Variants in FASN observed in about 807,000 individuals in gnomAD.
FASN encodes the protein 3-hydroxyacyl-[acyl-carrier-protein] dehydratase.
In FASN, 50 loss-of-function variants were observed where a neutral mutation model predicts 250.0. The observed-to-expected ratio is 0.20, with a 90% CI of 0.16 to 0.25. FASN has a LOEUF of 0.25. FASN is among the 10% of genes least tolerant of loss of function. FASN has a pLI of 1.00. For synonymous variants in FASN, 1,909 were observed against 1,584.0 expected (o/e 1.21, Z -4.87); for missense variants, 3,031 against 3,498.5 (o/e 0.87, Z 3.37).
At position 82,083,129 on chromosome 17, in the gene FASN, G is replaced by A; in HGVS notation, c.5566-14C>T. ...CTCCGCAAGCACCTGCGTCCAAGCA[G>A]CACCCACCGGCTCAGGCACTGCCTG... On this transcript the variant is annotated splice_polypyrimidine_tract_variant and intron_variant, in intron 32 of 42. Transcript: ENST00000306749. The A allele has an allele frequency of 6.2e-7, 1 of 1,610,108 alleles. No individual in the cohort carries two copies. The highest frequency in any genetic ancestry group is 8.5e-7 in the Non-Finnish European group (1 of 1,179,942).
chr17:82,088,691 C>A, intron 15 of FASN, 70 bp downstream of exon 15: 1 of 1,517,908 alleles, frequency 6.6e-7, no homozygotes, highest in Admixed American at 1.8e-5. Context: ...GAGGGGCCCG[C>A]AGCCCCGCTC....
chr17:82,081,333 A>G lies in FASN; in HGVS notation c.6426T>C (p.Ala2142=), dbSNP rs1207846739. 5.8e-6 allele frequency: 9 copies of G among 1,558,776 alleles called. No individual in the cohort carries two copies. Among genetic ancestry groups the G allele is most frequent in the East Asian group, 2.4e-5 (1 of 41,988 alleles). Reference sequence around the variant, plus strand: ...CCGCCAGTGAGCTGTCCAGGTTGACAGCAGCCAAGTCGCGGATGCCTGGAA... The same window carrying G: ...CCGCCAGTGAGCTGTCCAGGTTGACGGCAGCCAAGTCGCGGATGCCTGGAA... ...AHILGIRDLA[A]VNLDSSLADL... Residue 2142 remains alanine (A), a synonymous_variant, in exon 38 of 43, where the codon GCT becomes GCC. Transcript: ENST00000306749.
rs747635748 is a variant in FASN at position 82,082,958 on chromosome 17, C to T, written c.5723G>A (p.Gly1908Glu). Residue 1908 changes from glycine to glutamate, a missense_variant, in exon 33 of 43, where the codon GGG becomes GAG. Physicochemically the swap from Gly to Glu is moderately conservative, Grantham distance 98 (BLOSUM62 -2). Transcript: ENST00000306749. ...AGAAGTCAACACGAGCTTCTGCACCCCACGCTGTATCAGCCACTGCGCCAA... is the reference window on the plus strand; with the variant it reads ...AGAAGTCAACACGAGCTTCTGCACCTCACGCTGTATCAGCCACTGCGCCAA... Reference protein sequence around the residue: ...LELAQWLIQRGVQKLVLTSRS... With the variant: ...LELAQWLIQREVQKLVLTSRS... The T allele has an allele frequency of 1.3e-5, 21 of 1,612,738 alleles. No individual in the cohort carries two copies. The South Asian group carries it at 2.1e-4, about 16-fold the overall frequency.
chr17:82,083,678 A>G, intron 30 of FASN, 39 bp from the exon 31 acceptor site: 2 of 1,603,836 alleles, frequency 1.2e-6, no homozygotes, highest in Non-Finnish European at 1.7e-6. Context: ...CACCCACTGC[A>G]AGCCCAGCCA....
At position 82,083,655 on chromosome 17, in the gene FASN, G is replaced by A. The variant is rs767868562; in HGVS notation, c.5219-16C>T. On this transcript the variant is annotated splice_polypyrimidine_tract_variant and intron_variant, in intron 30 of 42. Transcript: ENST00000306749. Reference sequence around the variant, plus strand: ...AGGTCAACGCCTAGGGGGCCAGAGGGGCCAGACAATCACACCCACTGCAAG... The same window carrying A: ...AGGTCAACGCCTAGGGGGCCAGAGGAGCCAGACAATCACACCCACTGCAAG... The A allele has an allele frequency of 8.1e-6, 13 of 1,605,030 alleles. No homozygotes were observed. Among genetic ancestry groups the A allele is most frequent in the Admixed American group, 3.4e-5 (2 of 58,746 alleles).
rs748487388 is a variant in FASN at position 82,082,578 on chromosome 17, A to C, written c.5868T>G (p.Ile1956Met). The C allele has an allele frequency of 1.2e-6, 2 of 1,609,828 alleles. No individual in the cohort carries two copies. Among genetic ancestry groups the C allele is most frequent in the South Asian group, 2.2e-5 (2 of 91,074 alleles). Reference protein sequence around the residue: ...ISSLEGARGLIAEAAQLGPVG... With the variant: ...ISSLEGARGLMAEAAQLGPVG... ...CGGGCCCAAGCTGCGCCGCCTCGGCAATGAGGCCCCGGGCCCCCTCCAGTG... is the reference window on the plus strand; with the variant it reads ...CGGGCCCAAGCTGCGCCGCCTCGGCCATGAGGCCCCGGGCCCCCTCCAGTG... The change falls in exon 34 of 43, where the codon ATT (isoleucine) becomes ATG (methionine). Residue 1956 changes from isoleucine to methionine, a missense_variant. By Grantham distance (10) the Ile-to-Met change is conservative (BLOSUM62 1). Transcript: ENST00000306749.
chr17:82,081,564 G>A (rs1177968678), intron 37 of FASN, 37 bp downstream of exon 37: 7 of 1,609,562 alleles, frequency 4.3e-6, no homozygotes, highest in Non-Finnish European at 5.9e-6. Context: ...TGCCAGCAGG[G>A]GAAACACCTG....
Position 82,085,142 on chromosome 17 carries a change from G to T in FASN, c.4302C>A (p.Asp1434Glu). The change falls in exon 25 of 43, where the codon GAC (aspartate) becomes GAA (glutamate). Residue 1434 changes from aspartate to glutamate, a missense_variant. Physicochemically the swap from Asp to Glu is conservative, Grantham distance 45. Transcript: ENST00000306749. ...WVESLKGILA[D>E]EDSSRPVWLK... The stretch of plus-strand genomic sequence containing the variant: ...GCCACACAGGCCGGGAAGAGTCTTC[G>T]TCAGCCAGGATGCCCTACAGCGGGT... 6.2e-7 allele frequency: 1 copy of T among 1,612,582 alleles called. No homozygotes were observed. Among genetic ancestry groups the T allele is most frequent in the East Asian group, 2.2e-5 (1 of 44,864 alleles).
rs1358848879 is a variant in FASN at position 82,080,718 on chromosome 17, G to A, written c.6800C>T (p.Pro2267Leu). The change falls in exon 39 of 43, where the codon CCC becomes CTC. Residue 2267 changes from proline to leucine, a missense_variant. By Grantham distance (98) the Pro-to-Leu change is moderately conservative. Transcript: ENST00000306749. The stretch of plus-strand genomic sequence containing the variant: ...TCGGGTGCACTGCAGGCCATAGGTG[G>A]GGATGCTGAGCCGGGAGGCCAGGCT... ...FHSLASRLSI[P>L]TYGLQCTRAA... The A allele has an allele frequency of 3.8e-6, 6 of 1,599,014 alleles. No homozygotes were observed. The highest frequency in any genetic ancestry group is 1.7e-5 in the Admixed American group (1 of 57,344).
chr17:82,096,409 G>A lies in FASN; in HGVS notation c.37C>T (p.Leu13=), dbSNP rs752629951. The change falls in exon 2 of 43, where the codon CTG becomes TTG. Residue 13 remains leucine, a synonymous_variant. Coordinates refer to ENST00000306749, the MANE Select transcript of FASN (RefSeq NM_004104.5). ...EVVIAGMSGK[L]PESENLQEFW... ...TCCTGCAAGTTCTCCGACTCTGGCA[G>A]CTTCCCGGACATGCCGGCAATCACC... 6.2e-7 allele frequency: 1 copy of A among 1,612,790 alleles called. No homozygotes were observed. Among genetic ancestry groups the A allele is most frequent in the Admixed American group, 1.7e-5 (1 of 60,036 alleles).
chr17:82,097,702 G>T (rs529619045), intron 1 of FASN, among the ~76,000 whole-genome samples: 5,185 of 152,192 alleles, frequency 0.034, 289 homozygotes, highest in African/African-American at 0.12. Flanking sequence ...CGGTCCCGGC[G>T]CGGCCCCTGC....
At position 82,082,238 on chromosome 17, in the gene FASN, G is replaced by A. The variant is rs1181907992; in HGVS notation, c.6012-78C>T. On this transcript the variant is annotated intron_variant, in intron 35 of 42. Transcript: ENST00000306749. ...CGTCCCATCCCCAGGAAACGCCAGA[G>A]AGGGCTGTCAACAAACCACCTTGGC... 2.5e-6 allele frequency: 4 copies of A among 1,602,744 alleles called. No individual in the cohort carries two copies. The African/African-American group carries it at 4.0e-5, about 16-fold the overall frequency.
chr17:82,084,985 G>A (rs1264188139), intron 25 of FASN, 32 bp from the exon 26 acceptor site: 1 of 1,574,612 alleles, frequency 6.4e-7, no homozygotes, highest in African/African-American at 1.3e-5. Context: ...TCAGGCTGGG[G>A]ATGGGGAGGC....
intron 17 of FASN, 40 bp from the exon 18 acceptor site, chr17:82,088,074 GC>G (rs761063102): frequency 9.9e-6 from 16 of 1,612,476 alleles, no homozygotes; most frequent in African/African-American, 1.3e-5. Flanking sequence ...GGCAGCACCC[GC>G]CCCCCAGCTA....
rs1039367257 is a variant in FASN at position 82,088,263 on chromosome 17, G to A, written c.2638C>T (p.Leu880Phe). Reference sequence around the variant, plus strand: ...GCGGGGAAGAGGACGCGACCGTCGAGGGTGTGGTCCACCAGGTAGTGGTCA... The same window carrying A: ...GCGGGGAAGAGGACGCGACCGTCGAAGGTGTGGTCCACCAGGTAGTGGTCA... Reference protein sequence around the residue: ...SPDHYLVDHTLDGRVLFPATG... With the variant: ...SPDHYLVDHTFDGRVLFPATG... The change falls in exon 17 of 43, where the codon CTC (leucine) becomes TTC (phenylalanine). Residue 880 changes from leucine (L) to phenylalanine (F), a missense_variant. Transcript: ENST00000306749. 3.7e-6 allele frequency: 6 copies of A among 1,606,566 alleles called. No homozygotes were observed. In the Middle Eastern group the frequency reaches 4.9e-4, roughly 133 times the overall value.
chr17:82,086,912 G>C, intron 21 of FASN, 138 bp downstream of exon 21: 1 of 925,304 alleles, frequency 1.1e-6, no homozygotes, highest in Non-Finnish European at 1.7e-6. Flanking sequence ...GCCATCGTGA[G>C]CTCCGGCCGG....
intron 3 of FASN, 84 bp from the exon 4 acceptor site, chr17:82,093,855 T>C (rs2034259348): frequency 7.5e-6 from 10 of 1,338,526 alleles, no homozygotes; most frequent in Non-Finnish European, 8.8e-6. Context: ...GGGGCGAAGG[T>C]CCCATCTTGG....
rs368717084 is a variant in FASN, at chr17:82,085,471, G to A, written c.4122+11C>T. The stretch of plus-strand genomic sequence containing the variant: ...CGGCCCCCACCCTGTCCCCCTGCCC[G>A]GCGGCCGCACCTGGCTCAGGATGCC... On this transcript the variant is annotated intron_variant, in intron 23 of 42. Transcript: ENST00000306749. 210 of 1,590,304 alleles carry A rather than the reference G, an allele frequency of 1.3e-4. No homozygotes were observed. The highest frequency in any genetic ancestry group is 8.0e-4 in the African/African-American group (60 of 74,546).
intron 38 of FASN, 47 bp downstream of exon 38, chr17:82,081,117 C>T: frequency 6.5e-7 from 1 of 1,539,270 alleles, no homozygotes; most frequent in Non-Finnish European, 8.8e-7. Flanking sequence ...GGAGGAAGGG[C>T]TGGGGAGGCC....
Sources: gnomAD v4.1 joint callset for allele counts (sites outside exome capture counted in the v4.1 genomes callset) on GRCh38, gnomAD v4.1.1 for gene constraint, MANE v1.5 for transcripts, NCBI Gene and HGNC (gene_info 2026-07-23, HGNC 2026-07-21) for gene names.